Variants in COL4A5 observed in about 807,000 individuals in gnomAD.
The protein encoded by COL4A5 is collagen alpha-5(IV) chain.
COL4A5 carries 26 observed loss-of-function variants against 130.2 expected under a neutral mutation model. The ratio of observed to expected loss-of-function variants is 0.20; its 90% CI spans 0.15 to 0.28. The LOEUF (loss-of-function observed/expected upper bound fraction) is 0.28. Ranked by LOEUF, COL4A5 falls within the 10% of genes least tolerant of loss-of-function variation. COL4A5 has a pLI of 1.00. For synonymous variants in COL4A5, 496 were observed against 439.6 expected (o/e 1.13, Z -1.60); for missense variants, 1,131 against 1,344.3 (o/e 0.84, Z 2.48).
chrX:108,674,499 C>T (rs768658362), intron 42 of COL4A5: 22 of 292,647 alleles, frequency 7.5e-5, no homozygotes, highest in Admixed American at 4.9e-4. Context: ...TCTGGATTAA[C>T]GAAGACCAAC....
chrX:108,541,964 A>G (rs937070547), intron 2 of COL4A5, among the ~76,000 whole-genome samples: 3 of 112,086 alleles, frequency 2.7e-5, no homozygotes, highest in African/African-American at 9.7e-5. Flanking sequence ...AAAAAGACCA[A>G]TCAATGAAAA....
intron 37 of COL4A5, among the ~76,000 whole-genome samples, chrX:108,664,604 G>A (rs751485588): frequency 6.3e-5 from 7 of 111,594 alleles, no homozygotes; most frequent in Admixed American, 2.9e-4. Context: ...AGAAAACACC[G>A]CTAGGAAAAT....
At chrX:108,585,283 T>TTTTTTTAGTAATTAGTAGTTTTTAGTTAG (rs2066318165) in intron 18 of COL4A5, among the ~76,000 whole-genome samples, 1 of 112,208 alleles carries the variant, frequency 8.9e-6, no homozygotes, top group Non-Finnish European at 1.9e-5. Flanking sequence ...TAACATTAAC[T>TTTTTTTAGTAATTAGTAGTTTTTAGTTAG]TAATTCGTAT....
intron 36 of COL4A5, among the ~76,000 whole-genome samples, chrX:108,648,273 AC>A (rs1163963045): frequency 9.0e-6 from 1 of 111,234 alleles, no homozygotes; most frequent in East Asian, 2.8e-4. Context: ...AAAATTACCA[AC>A]AAAAAAAAGT....
At chrX:108,604,431 A>C (rs760511127) in intron 28 of COL4A5, among the ~76,000 whole-genome samples, 1 of 112,006 alleles carries the variant, frequency 8.9e-6, no homozygotes, top group African/African-American at 3.2e-5. Flanking sequence ...TTTTGAAAGG[A>C]ATCTTTTCTT....
intron 1 of COL4A5, among the ~76,000 whole-genome samples, chrX:108,489,695 C>A (rs188683435): frequency 9.0e-6 from 1 of 111,696 alleles, no homozygotes; most frequent in Non-Finnish European, 1.9e-5. Context: ...TATTTCCTAG[C>A]TGTTCATAGT....
At chrX:108,656,679 C>T (rs1171114513) in intron 37 of COL4A5, among the ~76,000 whole-genome samples, 1 of 111,459 alleles carries the variant, frequency 9.0e-6, no homozygotes, top group African/African-American at 3.3e-5. Context: ...TGGGCAGTGT[C>T]GGTCTTAATT....
intron 1 of COL4A5, among the ~76,000 whole-genome samples, chrX:108,452,952 G>A (rs950370710): frequency 9.4e-4 from 104 of 110,562 alleles, no homozygotes; most frequent in African/African-American, 3.0e-3. Context: ...GTATGATATT[G>A]GCTGTGGGTT....
chrX:108,563,753 G>C, intron 3 of COL4A5, 129 bp from the exon 4 acceptor site: 1 of 521,280 alleles, frequency 1.9e-6, no homozygotes, highest in Non-Finnish European at 3.3e-6. Flanking sequence ...CTTCTTCCTT[G>C]GGTGTATAAG....
chrX:108,451,012 A>G (rs1328324972), intron 1 of COL4A5, among the ~76,000 whole-genome samples: 1 of 92,192 alleles, frequency 1.1e-5, no homozygotes, highest in Non-Finnish European at 2.1e-5. Context: ...ACCCCTCAAC[A>G]GTCCCCAGAG....
At chrX:108,635,993 G>T (rs1432301156) in intron 36 of COL4A5, among the ~76,000 whole-genome samples, 1 of 112,048 alleles carries the variant, frequency 8.9e-6, no homozygotes, top group African/African-American at 3.2e-5. Context: ...AAGGAGTGGG[G>T]GAAGTGTTGA....
At chrX:108,568,995 A>G in intron 6 of COL4A5, 174 bp downstream of exon 6, 1 of 438,799 alleles carries the variant, frequency 2.3e-6, no homozygotes, top group East Asian at 3.8e-5. Flanking sequence ...CAATAATTTC[A>G]TTAAACATGT....
At chrX:108,547,611 G>A (rs1269952074) in intron 2 of COL4A5, among the ~76,000 whole-genome samples, 1 of 111,811 alleles carries the variant, frequency 8.9e-6, no homozygotes, top group Non-Finnish European at 1.9e-5. Flanking sequence ...CTCCATGCTG[G>A]GAGAACCGCT....
At position 108,464,311 on chromosome X, in the gene COL4A5, A is replaced by G. The variant is rs774118984; in HGVS notation, c.81+24105A>G. Among the ~76,000 whole-genome samples the G allele has an allele frequency of 5.4e-5, 6 of 111,918 alleles. No individual in the cohort carries two copies. In the South Asian group the frequency reaches 1.9e-3, roughly 35 times the overall value. The stretch of plus-strand genomic sequence containing the variant: ...ATGTCAGTTATATGCATATACCAAT[A>G]TTTTATATATTAAAAACAAATATAA... On this transcript the variant is annotated intron_variant, in intron 1 of 52. Coordinates refer to ENST00000328300, the MANE Select transcript of COL4A5 (RefSeq NM_033380.3).
At chrX:108,595,697 T>C (rs2066503327) in intron 22 of COL4A5, 96 bp downstream of exon 22, 10 of 637,564 alleles carry the variant, frequency 1.6e-5, no homozygotes, top group Admixed American at 3.1e-5. Flanking sequence ...ATTTTATAAC[T>C]AGTCACTCAT....
intron 21 of COL4A5, among the ~76,000 whole-genome samples, chrX:108,593,367 T>C (rs767263574): frequency 1.4e-3 from 154 of 111,859 alleles, no homozygotes; most frequent in Non-Finnish European, 2.3e-3. Context: ...ATTGGATATA[T>C]GTATTAAAAC....
intron 19 of COL4A5, among the ~76,000 whole-genome samples, chrX:108,589,261 A>C (rs946283034): frequency 9.0e-6 from 1 of 111,268 alleles, no homozygotes; most frequent in African/African-American, 3.3e-5. Context: ...ATAGGTTAAA[A>C]TGTTAATAGT....
intron 37 of COL4A5, among the ~76,000 whole-genome samples, chrX:108,662,251 A>C (rs903576952): frequency 1.8e-5 from 2 of 109,804 alleles, no homozygotes; most frequent in African/African-American, 6.6e-5. Context: ...ACATGGATGA[A>C]ACTGGAAACC....
In COL4A5 at chrX:108,601,950, A is replaced by G. The variant is rs104886155; in HGVS notation, c.2107A>G (p.Ile703Val). 4 of 1,164,476 alleles carry G rather than the reference A, an allele frequency of 3.4e-6. No individual in the cohort carries two copies. In the East Asian group the frequency reaches 1.2e-4, roughly 36 times the overall value. The change falls in exon 27 of 53, where the codon ATC becomes GTC. Residue 703 changes from isoleucine to valine, a missense_variant. Ile to Val is a conservative substitution (Grantham distance 29). Transcript: ENST00000328300. ...ACCTGGTAGCAAAGGAGAACCAGGT[A>G]TCCCTGGAATTGGGCTTCCTGGACC... ...GIPGSKGEPGIPGIGLPGPPG... is the reference protein window; with the variant it reads ...GIPGSKGEPGVPGIGLPGPPG...
Sources: allele counts gnomAD v4.1 joint callset (sites outside exome capture counted in the v4.1 genomes callset), GRCh38; gene constraint gnomAD v4.1.1; transcripts MANE v1.5; gene names NCBI Gene and HGNC (gene_info 2026-07-23, HGNC 2026-07-21).